Variants in ATP2C2 observed in about 807,000 individuals in gnomAD.
ATP2C2 encodes the protein calcium-transporting ATPase type 2C member 2.
ATP2C2 carries 171 observed loss-of-function variants against 110.8 expected under a neutral mutation model. The ratio of observed to expected loss-of-function variants is 1.54; its 90% CI spans 1.36 to 1.75. The LOEUF is 1.75. ATP2C2 is among the 40% of genes most tolerant of loss of function. The pLI is 0.00. For missense variants in ATP2C2, 1,963 were observed against 1,235.0 expected (o/e 1.59, Z -8.84); for synonymous variants, 804 against 508.4 (o/e 1.58, Z -7.82).
intron 1 of ATP2C2, among the ~76,000 whole-genome samples, chr16:84,383,612 T>A (rs1042422211): frequency 5.9e-5 from 9 of 152,232 alleles, no homozygotes; most frequent in African/African-American, 1.9e-4. Context: ...CTATAGCACA[T>A]CCTTCCTCCA....
At position 84,397,333 on chromosome 16, in the gene ATP2C2, C is replaced by T. The variant is rs373142682; in HGVS notation, c.100-1166C>T. 1.5e-4 allele frequency among the ~76,000 whole-genome samples: 23 copies of T among 151,596 alleles called. No homozygotes were observed. The East Asian group carries it at 3.9e-3, about 26-fold the overall frequency. ...CCCATAGAACCAGGCTGTGATACCA[C>T]CTATCATCAGTAGGAGGCACTCTCT... On this transcript the variant is annotated intron_variant, in intron 1 of 26. Coordinates refer to ENST00000262429, the MANE Select transcript of ATP2C2 (RefSeq NM_014861.4).
Position 84,459,210 on chromosome 16 carries a change from G to T in ATP2C2, c.2216+22G>T, listed in dbSNP as rs755072421. On this transcript the variant is annotated intron_variant, in intron 22 of 26. Transcript: ENST00000262429. ...GCACGTAAGTAGAGGCCAGCATTCC[G>T]AGTGTCATTAAGCACCACGCCTGGC... The T allele has an allele frequency of 3.7e-6, 6 of 1,614,062 alleles. No individual in the cohort carries two copies. In the Admixed American group the frequency reaches 1.0e-4, roughly 27 times the overall value.
intron 7 of ATP2C2, among the ~76,000 whole-genome samples, chr16:84,417,038 G>A (rs1004148526): frequency 2.0e-5 from 3 of 152,210 alleles, no homozygotes; most frequent in Admixed American, 6.5e-5. Flanking sequence ...ATGACCTGGG[G>A]TTGGGCATTA....
chr16:84,385,241 A>AAG (rs1904303428), intron 1 of ATP2C2, among the ~76,000 whole-genome samples: 1 of 152,114 alleles, frequency 6.6e-6, no homozygotes, highest in Non-Finnish European at 1.5e-5. Context: ...GAACAGGAGC[A>AAG]AGAGAGAGAG....
chr16:84,371,915 C>T (rs931810138), intron 1 of ATP2C2, among the ~76,000 whole-genome samples: 1 of 152,186 alleles, frequency 6.6e-6, no homozygotes, highest in Admixed American at 6.5e-5. Context: ...GGTATCCCAA[C>T]CAGGAGGCAG....
rs1176014047 is a variant in ATP2C2, at chr16:84,412,355, C to CGT, written c.515+1596_515+1597dup. 9.8e-3 allele frequency among the ~76,000 whole-genome samples: 897 copies of CGT among 91,462 alleles called. 6 individuals are homozygous for CGT. The highest frequency in any genetic ancestry group is 0.015 in the African/African-American group (379 of 25,000). 60.0% of individuals were successfully genotyped at this position (91,462 alleles called of 152,430 possible). A position where few individuals can be genotyped will look rare whatever the true frequency, so the allele number is the denominator to read the frequency against. ...GTGTCTGTATGCGTGTGTCTGCGTGCGTGTGTGCATGTGTGTGTGCGTGTG... is the reference window on the plus strand; with the variant it reads ...GTGTCTGTATGCGTGTGTCTGCGTGCGTGTGTGTGCATGTGTGTGTGCGTGTG... On this transcript the variant is annotated intron_variant, in intron 6 of 26. Coordinates refer to ENST00000262429, the MANE Select transcript of ATP2C2 (RefSeq NM_014861.4).
At chr16:84,379,352 G>C (rs1024494137) in intron 1 of ATP2C2, among the ~76,000 whole-genome samples, 1 of 152,174 alleles carries the variant, frequency 6.6e-6, no homozygotes, top group African/African-American at 2.4e-5. Context: ...TTTTTGAACA[G>C]ATGGGGTTTT....
chr16:84,394,686 A>G (rs11645513), intron 1 of ATP2C2, among the ~76,000 whole-genome samples: 39,992 of 151,978 alleles, frequency 0.26, 5,495 homozygotes, highest in South Asian at 0.34. Context: ...TCAAGCTTCC[A>G]TCATGGCCAG....
chr16:84,385,641 C>G lies in ATP2C2; in HGVS notation c.100-12858C>G, dbSNP rs1018469183. Reference sequence around the variant, plus strand: ...TTACAAAGAAAAGAGGTTTCATTGACTCACAGTTCCGCATGTCTGGGGAGG... The same window carrying G: ...TTACAAAGAAAAGAGGTTTCATTGAGTCACAGTTCCGCATGTCTGGGGAGG... On this transcript the variant is annotated intron_variant, in intron 1 of 26. Transcript: ENST00000262429. Among the ~76,000 whole-genome samples, 6 of 152,314 alleles carry G rather than the reference C, an allele frequency of 3.9e-5. No homozygotes were observed. In the South Asian group the frequency reaches 1.0e-3, roughly 26 times the overall value.
intron 3 of ATP2C2, among the ~76,000 whole-genome samples, chr16:84,405,781 G>A (rs1905713312): frequency 6.6e-6 from 1 of 152,174 alleles, no homozygotes; most frequent in Non-Finnish European, 1.5e-5. Flanking sequence ...TTAGCCGGAT[G>A]TGGTAGTGGA....
intron 1 of ATP2C2, among the ~76,000 whole-genome samples, chr16:84,384,503 CT>C (rs1904296469): frequency 6.6e-6 from 1 of 152,192 alleles, no homozygotes; most frequent in South Asian, 2.1e-4. Flanking sequence ...GTGGGAGTAA[CT>C]TTTGCCCCTT....
intron 10 of ATP2C2, among the ~76,000 whole-genome samples, chr16:84,425,199 C>G (rs1907701445): frequency 6.6e-6 from 1 of 152,188 alleles, no homozygotes; most frequent in African/African-American, 2.4e-5. Flanking sequence ...CCTGGCAACA[C>G]CACCCACCTT....
At chr16:84,440,491 C>G (rs772428588) in intron 13 of ATP2C2, among the ~76,000 whole-genome samples, 1 of 152,216 alleles carries the variant, frequency 6.6e-6, no homozygotes. Flanking sequence ...TGTGCCGCAA[C>G]GGCAGAGCTG....
chr16:84,440,847 C>A lies in ATP2C2; in HGVS notation c.1210-10C>A. The stretch of plus-strand genomic sequence containing the variant: ...CTTGGCGAAACCCTTTCTTCTGCCT[C>A]GCCCTGCAGGTCAGCGGAGTTGGGT... On this transcript the variant is annotated splice_polypyrimidine_tract_variant and intron_variant, in intron 13 of 26. Coordinates refer to ENST00000262429, the MANE Select transcript of ATP2C2 (RefSeq NM_014861.4). The A allele has an allele frequency of 2.5e-6, 4 of 1,606,642 alleles. No individual in the cohort carries two copies. The highest frequency in any genetic ancestry group is 3.4e-6 in the Non-Finnish European group (4 of 1,175,398).
intron 23 of ATP2C2, chr16:84,459,833 G>T: frequency 2.3e-6 from 1 of 440,202 alleles, no homozygotes; most frequent in Non-Finnish European, 4.2e-6. Flanking sequence ...CAGTTTCATG[G>T]AGGCGGAGTT....
chr16:84,429,937 G>A (rs1353905652), intron 11 of ATP2C2, among the ~76,000 whole-genome samples: 1 of 152,156 alleles, frequency 6.6e-6, no homozygotes, highest in African/African-American at 2.4e-5. Flanking sequence ...CTCAGCTTCT[G>A]GTGTCACAGG....
At chr16:84,429,699 G>A (rs1191373490) in intron 11 of ATP2C2, among the ~76,000 whole-genome samples, 2 of 152,162 alleles carry the variant, frequency 1.3e-5, no homozygotes, top group African/African-American at 4.8e-5. Context: ...AGGCAGGTGG[G>A]AGAGGGAGCG....
chr16:84,394,273 G>A (rs2151412214), intron 1 of ATP2C2, among the ~76,000 whole-genome samples: 1 of 152,160 alleles, frequency 6.6e-6, no homozygotes, highest in South Asian at 2.1e-4. Context: ...ATGGGATCTA[G>A]TACACTCACA....
rs1189657115 is a variant in ATP2C2 at position 84,453,365 on chromosome 16, C to A, written c.1974C>A (p.Ile658=). 2 of 1,614,202 alleles carry A rather than the reference C, an allele frequency of 1.2e-6. No individual in the cohort carries two copies. Among genetic ancestry groups the A allele is most frequent in the East Asian group, 4.5e-5 (2 of 44,892 alleles). Residue 658 remains isoleucine, a synonymous_variant, in exon 20 of 27, where the codon ATC becomes ATA. Transcript: ENST00000262429. ...FRTSPKHKLK[I]IKALQESGAI... ...CCAGCCCAAAGCACAAGCTCAAAAT[C>A]ATCAAGGTTCGCTGGGCAAGGCAGG...
Sources: allele counts gnomAD v4.1 joint callset (sites outside exome capture counted in the v4.1 genomes callset), GRCh38; gene constraint gnomAD v4.1.1; transcripts MANE v1.5; gene names NCBI Gene and HGNC (gene_info 2026-07-23, HGNC 2026-07-21).